The following RGS5 variants were observed in gnomAD, a reference collection of about 807,000 sequenced individuals.
RGS5 encodes the protein regulator of G protein signaling 5.
Under a neutral mutation model 18.9 loss-of-function variants are expected in RGS5, and 20 were observed. The observed-to-expected ratio is 1.06, with a 90% CI of 0.74 to 1.54. The LOEUF is 1.54. RGS5 is among the 40% of genes most tolerant of loss of function. RGS5 has a pLI of 0.00. For missense variants in RGS5, 201 were observed against 211.8 expected (o/e 0.95, Z 0.32); for synonymous variants, 57 against 76.2 (o/e 0.75, Z 1.31).
rs568965521 is a variant in RGS5 at position 163,152,869 on chromosome 1, T to C, written c.218-153A>G. Among the ~76,000 whole-genome samples, 17 of 152,256 alleles carry C rather than the reference T, an allele frequency of 1.1e-4. No homozygotes were observed. The East Asian group carries it at 3.1e-3, about 28-fold the overall frequency. The stretch of plus-strand genomic sequence containing the variant: ...AGCTTCCTTTACTCCTTCATTCAAA[T>C]GCAGAAGGAATGAGACAGAGATGGA... On this transcript the variant is annotated intron_variant, in intron 3 of 4. Coordinates refer to ENST00000313961, the MANE Select transcript of RGS5 (RefSeq NM_003617.4).
At chr1:163,154,900 G>T (rs28514835) in intron 3 of RGS5, among the ~76,000 whole-genome samples, 2 of 149,088 alleles carry the variant, frequency 1.3e-5, no homozygotes, top group African/African-American at 2.4e-5. Flanking sequence ...ATTATATATA[G>T]ATATAGTTTT....
Position 163,145,244 on chromosome 1 carries a change from T to A in RGS5, c.*2098A>T, listed in dbSNP as rs1256324941. On this transcript the variant is annotated 3_prime_UTR_variant, in exon 5 of 5. Coordinates refer to ENST00000313961, the MANE Select transcript of RGS5 (RefSeq NM_003617.4). ...TAATAGCTAGTTAATTATCTGGGAA[T>A]TTTTAAACATTTGGATATTGCAAAT... The A allele has an allele frequency of 6.6e-6, 1 of 152,202 alleles. No homozygotes were observed. Among genetic ancestry groups the A allele is most frequent in the Non-Finnish European group, 1.5e-5 (1 of 68,030 alleles). 9.4% of individuals were successfully genotyped at this position (152,202 alleles called of 1,614,324 possible).
chr1:163,294,532 T>C (rs1451723773), intron 2 of RGS5, among the ~76,000 whole-genome samples: 1 of 152,216 alleles, frequency 6.6e-6, no homozygotes, highest in African/African-American at 2.4e-5. Context: ...TTTTCTCTCT[T>C]AGACTTCTGG....
intron 2 of RGS5, among the ~76,000 whole-genome samples, chr1:163,234,465 C>A (rs1344576575): frequency 6.6e-6 from 1 of 152,078 alleles, no homozygotes; most frequent in African/African-American, 2.4e-5. Flanking sequence ...TGAACTAATG[C>A]TTTTTTTCTT....
chr1:163,199,878 T>C (rs1033929399), intron 1 of RGS5, among the ~76,000 whole-genome samples: 2 of 152,056 alleles, frequency 1.3e-5, no homozygotes, highest in African/African-American at 4.8e-5. Flanking sequence ...GCAATATGAC[T>C]CACTGCAGCC....
At chr1:163,167,533 A>T (rs939853992) in intron 2 of RGS5, among the ~76,000 whole-genome samples, 1 of 152,026 alleles carries the variant, frequency 6.6e-6, no homozygotes, top group African/African-American at 2.4e-5. Flanking sequence ...TAACATCATG[A>T]CTCTTTAGAA....
At chr1:163,153,589 C>T (rs1434798645) in intron 3 of RGS5, among the ~76,000 whole-genome samples, 1 of 151,640 alleles carries the variant, frequency 6.6e-6, no homozygotes, top group African/African-American at 2.4e-5. Flanking sequence ...TACAATTGCT[C>T]ATGTAGGATA....
chr1:163,166,574 C>A (rs964295890), intron 2 of RGS5, among the ~76,000 whole-genome samples: 1 of 152,140 alleles, frequency 6.6e-6, no homozygotes, highest in African/African-American at 2.4e-5. Context: ...GGGATGGGGT[C>A]TGTGGATTCA....
intron 1 of RGS5, among the ~76,000 whole-genome samples, chr1:163,315,651 G>C (rs1047562356): frequency 6.6e-6 from 1 of 152,082 alleles, no homozygotes; most frequent in Non-Finnish European, 1.5e-5. Context: ...AATTCCATGC[G>C]AGTCCTTAAC....
intron 1 of RGS5, chr1:163,210,810 AAT>A (rs1277878784): frequency 1.3e-5 from 2 of 152,172 alleles, no homozygotes; most frequent in Non-Finnish European, 2.9e-5. Context: ...TCTTCTATGG[AAT>A]TACCTCCTCT....
At chr1:163,271,573 G>C (rs1399311150) in intron 2 of RGS5, among the ~76,000 whole-genome samples, 2 of 152,096 alleles carry the variant, frequency 1.3e-5, no homozygotes, top group East Asian at 3.9e-4. Flanking sequence ...CCCAGCCTAT[G>C]GTATCTTATT....
intron 1 of RGS5, among the ~76,000 whole-genome samples, chr1:163,179,859 T>C (rs950578845): frequency 6.6e-6 from 1 of 152,176 alleles, no homozygotes; most frequent in African/African-American, 2.4e-5. Context: ...CACCATGTAT[T>C]CCTTTTTACT....
intron 1 of RGS5, chr1:163,318,897 A>G (rs1254753123): frequency 1.3e-5 from 2 of 152,176 alleles, no homozygotes; most frequent in East Asian, 3.9e-4. Flanking sequence ...AGAGGGAGGA[A>G]GTTATATATT....
At chr1:163,208,564 C>G (rs1426639244) in intron 1 of RGS5, among the ~76,000 whole-genome samples, 1 of 88,088 alleles carries the variant, frequency 1.1e-5, no homozygotes, top group African/African-American at 4.2e-5. Flanking sequence ...TAAGACCTAA[C>G]TATATTCTGT....
intron 1 of RGS5, chr1:163,217,474 T>C: frequency 6.8e-7 from 1 of 1,474,580 alleles, no homozygotes; most frequent in Non-Finnish European, 9.0e-7. Flanking sequence ...GTCTTTCCTG[T>C]AAATTATAAC....
upstream of RGS5, among the ~76,000 whole-genome samples, chr1:163,222,260 A>C (rs1361539578): frequency 6.6e-6 from 1 of 152,168 alleles, no homozygotes; most frequent in Non-Finnish European, 1.5e-5. Context: ...CAACAGCAGC[A>C]TTAGATTCTC....
chr1:163,155,028 C>G (rs1657528989), intron 3 of RGS5, among the ~76,000 whole-genome samples: 1 of 152,040 alleles, frequency 6.6e-6, no homozygotes, highest in South Asian at 2.1e-4. Flanking sequence ...GTCAGATAGT[C>G]TCTGTCAAAA....
intron 2 of RGS5, among the ~76,000 whole-genome samples, chr1:163,167,582 T>C (rs1381292649): frequency 1.3e-5 from 2 of 152,064 alleles, no homozygotes; most frequent in Non-Finnish European, 2.9e-5. Flanking sequence ...ACAGGAGGAA[T>C]GTGTAGGGAG....
Position 163,295,166 on chromosome 1 carries a change from T to C in RGS5, c.-281+11067A>G, listed in dbSNP as rs1649391278. Among the ~76,000 whole-genome samples, 3 of 152,174 alleles carry C rather than the reference T, an allele frequency of 2.0e-5. No homozygotes were observed. In the South Asian group the frequency reaches 6.2e-4, roughly 32 times the overall value. On this transcript the variant is annotated intron_variant, in intron 2 of 5. Transcript: ENST00000618415. ...GCATTTTACCTAGTTCCAAAGTCAC[T>C]TCCACATTCTCAGGTATCTTTATAG...
Sources: gnomAD v4.1 joint callset for allele counts (sites outside exome capture counted in the v4.1 genomes callset) on GRCh38, gnomAD v4.1.1 for gene constraint, MANE v1.5 for transcripts, NCBI Gene and HGNC (gene_info 2026-07-23, HGNC 2026-07-21) for gene names.